MAPK10: variants seen among roughly 807,000 people sequenced by gnomAD.
MAPK10 encodes mitogen-activated protein kinase 10.
MAPK10 carries 25 observed loss-of-function variants against 59.3 expected under a neutral mutation model. The ratio of observed to expected loss-of-function variants is 0.42; its 90% confidence interval spans 0.31 to 0.59. The LOEUF is 0.59. Ranked by LOEUF, MAPK10 falls within the 20% of genes least tolerant of loss-of-function variation. The pLI is 0.15. For missense variants in MAPK10, 351 were observed against 568.9 expected, an observed-to-expected ratio of 0.62 and a Z score of 3.90; for synonymous variants, 190 against 200.5, an observed-to-expected ratio of 0.95 and a Z score of 0.44.
At chr4:86,219,452 C>T (rs2088861442) in intron 2 of MAPK10, among the ~76,000 whole-genome samples, 1 of 152,122 alleles carries the variant, frequency 6.6e-6, no homozygotes, top group African/African-American at 2.4e-5. Context: ...ACTCAAATCA[C>T]AATCCAATGC....
chr4:86,278,990 A>ATT (rs1260013671), intron 2 of MAPK10, among the ~76,000 whole-genome samples: 1 of 152,166 alleles, frequency 6.6e-6, no homozygotes, highest in Non-Finnish European at 1.5e-5. Context: ...CTGGGGAAAT[A>ATT]TGTTAAAGTT....
intron 1 of MAPK10, among the ~76,000 whole-genome samples, chr4:86,590,771 G>C (rs1296498000): frequency 6.6e-6 from 1 of 151,858 alleles, no homozygotes; most frequent in Admixed American, 6.6e-5. Flanking sequence ...GGGTAACAGA[G>C]CAAGACCGTG....
intron 3 of MAPK10, among the ~76,000 whole-genome samples, chr4:86,185,048 G>A (rs1423477894): frequency 6.6e-6 from 1 of 152,094 alleles, no homozygotes; most frequent in Admixed American, 6.6e-5. Context: ...GCACATTTCT[G>A]TAACATAAAT....
intron 1 of MAPK10, among the ~76,000 whole-genome samples, chr4:86,452,173 C>T (rs1750797266): frequency 6.6e-6 from 1 of 152,150 alleles, no homozygotes; most frequent in Admixed American, 6.5e-5. Flanking sequence ...GCAGAGCATG[C>T]AGAGACCCAA....
intron 3 of MAPK10, among the ~76,000 whole-genome samples, chr4:86,178,946 T>C (rs955517717): frequency 3.9e-5 from 6 of 152,176 alleles, no homozygotes; most frequent in Non-Finnish European, 7.4e-5. Flanking sequence ...CTCATGCTTA[T>C]AATCCCAGCA....
chr4:86,030,658 C>G (rs1344120409), intron 12 of MAPK10, among the ~76,000 whole-genome samples: 1 of 152,116 alleles, frequency 6.6e-6, no homozygotes, highest in East Asian at 1.9e-4. Flanking sequence ...ATAACATTTT[C>G]TGCTTATTCC....
chr4:86,138,590 G>A (rs531447830), intron 4 of MAPK10, among the ~76,000 whole-genome samples: 2,992 of 135,896 alleles, frequency 0.022, 44 homozygotes, highest in African/African-American at 0.076. Context: ...TACTGAATGG[G>A]CAAAAACTGG....
chr4:86,377,007 A>C (rs1247878684), intron 1 of MAPK10, among the ~76,000 whole-genome samples: 1 of 152,184 alleles, frequency 6.6e-6, no homozygotes, highest in Non-Finnish European at 1.5e-5. Context: ...ATGGCTTTAC[A>C]AGCAGGCAGC....
chr4:86,226,823 G>A (rs17011522), intron 2 of MAPK10, among the ~76,000 whole-genome samples: 12,949 of 152,202 alleles, frequency 0.085, 1,223 homozygotes, highest in African/African-American at 0.23. Context: ...TCCATAGTGA[G>A]AATGAATTCC....
rs989196513 is a variant in MAPK10 at position 86,015,219 on chromosome 4, CTG to C, written c.*2007_*2008del. On this transcript the variant is annotated 3_prime_UTR_variant, in exon 14 of 14. Transcript: ENST00000641462. Reference sequence around the variant, plus strand: ...AAATGACTGCGTGTACTGAATCTGACTGTGTGAAATAATCTCAGAATGGCAGC... The same window carrying C: ...AAATGACTGCGTGTACTGAATCTGACTGTGAAATAATCTCAGAATGGCAGC... 2 of 152,170 alleles carry C rather than the reference CTG, an allele frequency of 1.3e-5. No homozygotes were observed. The highest frequency in any genetic ancestry group is 2.4e-5 in the African/African-American group (1 of 41,428). The allele number at this position is 152,170 out of a possible 1,614,324, so 9.4% of individuals were successfully genotyped here.
At chr4:86,075,316 T>C (rs371249350) in intron 9 of MAPK10, among the ~76,000 whole-genome samples, 20 of 152,030 alleles carry the variant, frequency 1.3e-4, no homozygotes, top group Non-Finnish European at 2.4e-4. Context: ...TCAAAGTTTT[T>C]AACTTCTTTG....
intron 1 of MAPK10, among the ~76,000 whole-genome samples, chr4:86,449,628 A>G (rs538144921): frequency 6.6e-6 from 1 of 152,334 alleles, no homozygotes; most frequent in Admixed American, 6.5e-5. Flanking sequence ...GCTTTTGCAA[A>G]GTCTCCTTCA....
intron 9 of MAPK10, chr4:86,089,078 T>G: frequency 1.5e-6 from 1 of 659,448 alleles, no homozygotes; most frequent in Non-Finnish European, 2.5e-6. Context: ...TGTAAATATT[T>G]GACATTGAGT....
chr4:86,405,652 C>A (rs1348501369), intron 1 of MAPK10, among the ~76,000 whole-genome samples: 1 of 152,132 alleles, frequency 6.6e-6, no homozygotes, highest in Non-Finnish European at 1.5e-5. Flanking sequence ...ACTTTTAGAG[C>A]CACAGAATAT....
intron 3 of MAPK10, among the ~76,000 whole-genome samples, chr4:86,174,359 T>G (rs991852883): frequency 6.6e-6 from 1 of 152,096 alleles, no homozygotes; most frequent in Non-Finnish European, 1.5e-5. Context: ...CTCAGCAAAC[T>G]AACATAGGAA....
At chr4:86,312,121 C>T (rs568014456) in intron 2 of MAPK10, among the ~76,000 whole-genome samples, 3 of 152,186 alleles carry the variant, frequency 2.0e-5, no homozygotes, top group African/African-American at 7.2e-5. Context: ...AGTTTGAGAC[C>T]ATTGTCCAAT....
intron 13 of MAPK10, among the ~76,000 whole-genome samples, chr4:86,021,191 T>C (rs1208726373): frequency 6.6e-6 from 1 of 151,672 alleles, no homozygotes; most frequent in African/African-American, 2.4e-5. Flanking sequence ...TGCTGATTGG[T>C]GTGTTTACAA....
intron 1 of MAPK10, among the ~76,000 whole-genome samples, chr4:86,552,956 C>G (rs922419156): frequency 6.6e-6 from 1 of 152,118 alleles, no homozygotes; most frequent in Non-Finnish European, 1.5e-5. Context: ...GGTATGAACA[C>G]GAAGTTCATG....
chr4:86,359,284 CTCTCTGTG>C lies in MAPK10; in HGVS notation c.-122+366_-122+373del, dbSNP rs1220978639. Reference sequence around the variant, plus strand: ...TTTTCCTCTCTCTCTCTCTCTCTCTCTCTCTGTGTGTGTGTGTGTGTGTGTGTGTGTGT... The same window carrying C: ...TTTTCCTCTCTCTCTCTCTCTCTCTCTGTGTGTGTGTGTGTGTGTGTGTGT... On this transcript the variant is annotated intron_variant, in intron 1 of 13. Transcript: ENST00000641462. Among the ~76,000 whole-genome samples the C allele has an allele frequency of 2.3e-3, 306 of 132,890 alleles. 2 individuals carry two copies. Among genetic ancestry groups the C allele is most frequent in the South Asian group, 5.7e-3 (22 of 3,864 alleles). The allele number at this position is 132,890 out of a possible 152,430, so 87.2% of individuals were successfully genotyped here.
Sources: allele counts gnomAD v4.1 joint callset (sites outside exome capture counted in the v4.1 genomes callset), GRCh38; gene constraint gnomAD v4.1.1; transcripts MANE v1.5; gene names NCBI Gene and HGNC (gene_info 2026-07-23, HGNC 2026-07-21).